The following PCDHGB2 variants were observed in gnomAD, a reference collection of about 807,000 sequenced individuals.
The protein encoded by PCDHGB2 is protocadherin gamma subfamily B, 2, also known as protocadherin gamma-B2.
A neutral mutation model predicts 59.3 loss-of-function variants in PCDHGB2; 55 were observed. The ratio of observed to expected loss-of-function variants is 0.93; its 90% CI spans 0.75 to 1.16. The LOEUF (loss-of-function observed/expected upper bound fraction) is 1.16. Ranked by LOEUF, PCDHGB2 falls within the 50% of genes most tolerant of loss-of-function variation. The probability of loss-of-function intolerance (pLI) is 0.00; values close to 1 mark genes in which losing one functional copy is unlikely to be tolerated. For missense variants in PCDHGB2, 1,228 were observed against 1,198.5 expected (o/e 1.02, Z -0.36); for synonymous variants, 516 against 512.0 (o/e 1.01, Z -0.11).
At chr5:141,461,185 C>T (rs2154567265) in intron 1 of PCDHGB2, among the ~76,000 whole-genome samples, 1 of 152,134 alleles carries the variant, frequency 6.6e-6, no homozygotes, top group East Asian at 1.9e-4. Context: ...AATGGTAGAT[C>T]TGTTTTTTGC....
At chr5:141,456,259 C>T (rs1456888951) in intron 1 of PCDHGB2, among the ~76,000 whole-genome samples, 1 of 152,122 alleles carries the variant, frequency 6.6e-6, no homozygotes, top group Non-Finnish European at 1.5e-5. Flanking sequence ...GCGACCATTG[C>T]TTCTGGCTAC....
chr5:141,373,804 T>C, intron 1 of PCDHGB2: 1 of 335,232 alleles, frequency 3.0e-6, no homozygotes, highest in Non-Finnish European at 5.4e-6. Flanking sequence ...ATCCTCTGTG[T>C]GATAGTTTCA....
intron 1 of PCDHGB2, chr5:141,415,308 C>T: frequency 6.2e-7 from 1 of 1,614,236 alleles, no homozygotes; most frequent in Non-Finnish European, 8.5e-7. Flanking sequence ...TCCTGGCCTT[C>T]GTCATCGTGC....
chr5:141,410,083 C>T (rs752701599), intron 1 of PCDHGB2: 102 of 1,612,590 alleles, frequency 6.3e-5, no homozygotes, highest in Non-Finnish European at 4.7e-5. Flanking sequence ...GGGAGGTGCG[C>T]ACGGCTCGAG....
chr5:141,486,105 A>C lies in PCDHGB2; in HGVS notation c.2422-8702A>C. The stretch of plus-strand genomic sequence containing the variant: ...ACTCTTTTGGGGCCCCTAGACTTTG[A>C]GAGTGAGAATTACTATGAATTTGAT... On this transcript the variant is annotated intron_variant, in intron 1 of 3. Transcript: ENST00000522605. This position sits in a 1 kb window ranked among gnomAD's most constrained non-coding sequence, Gnocchi z 5.0. The C allele has an allele frequency of 1.2e-6, 2 of 1,614,138 alleles. No individual in the cohort carries two copies. The highest frequency in any genetic ancestry group is 1.7e-6 in the Non-Finnish European group (2 of 1,180,016).
In PCDHGB2 at chr5:141,487,869, G is replaced by T; in HGVS notation, c.2422-6938G>T. On this transcript the variant is annotated intron_variant, in intron 1 of 3. Transcript: ENST00000522605. This position sits in a 1 kb window ranked among gnomAD's most constrained non-coding sequence, Gnocchi z 5.0. ...AAATGAAAGTAATTGGTGATCAAGA[G>T]CCAGGCTGTTGTGGAAGCATGATGA... 1.1e-6 allele frequency: 1 copy of T among 871,620 alleles called. No individual in the cohort carries two copies. The highest frequency in any genetic ancestry group is 1.7e-6 in the Non-Finnish European group (1 of 574,346). The allele number at this position is 871,620 out of a possible 1,614,324, so 54.0% of individuals were successfully genotyped here. A position where few individuals can be genotyped will look rare whatever the true frequency, so the allele number is the denominator to read the frequency against.
At position 141,485,260 on chromosome 5, in the gene PCDHGB2, G is replaced by A. The variant is rs773919574; in HGVS notation, c.2422-9547G>A. On this transcript the variant is annotated intron_variant, in intron 1 of 3. Transcript: ENST00000522605. This position sits in a 1 kb window ranked among gnomAD's most constrained non-coding sequence, Gnocchi z 5.7. ...TTTACCACCTGGGTTACGTTTGTGG[G>A]CAGATCCGCTACCCGGTCCCAGAGG... The A allele has an allele frequency of 8.7e-6, 14 of 1,614,002 alleles. No individual in the cohort carries two copies. In the African/African-American group the frequency reaches 1.5e-4, roughly 17 times the overall value.
intron 2 of PCDHGB2, among the ~76,000 whole-genome samples, chr5:141,501,061 G>T (rs746369272): frequency 1.5e-4 from 23 of 152,118 alleles, no homozygotes; most frequent in Non-Finnish European, 2.1e-4. Flanking sequence ...TAGAGACGGG[G>T]TTTCACCATG....
chr5:141,397,974 C>A (rs1248429844), intron 1 of PCDHGB2: 3 of 1,174,340 alleles, frequency 2.6e-6, no homozygotes, highest in African/African-American at 1.6e-5. Flanking sequence ...TCCCCAGCGC[C>A]GGCCTTTACA....
rs759226115 is a variant in PCDHGB2 at position 141,405,385 on chromosome 5, A to AT, written c.2421+42837dup. 3.1e-5 allele frequency: 49 copies of AT among 1,599,976 alleles called. 1 individual carries two copies. The highest frequency in any genetic ancestry group is 2.8e-4 in the Admixed American group (16 of 56,782). On this transcript the variant is annotated intron_variant, in intron 1 of 3. Coordinates refer to ENST00000522605, the MANE Select transcript of PCDHGB2 (RefSeq NM_018923.3). ...ACACCCCTTTGGTTCCGGTGAGTTC[A>AT]TTTTTTTTCTTTCTTTCTTTTCTTT...
chr5:141,480,712 A>G (rs559266864), intron 1 of PCDHGB2, among the ~76,000 whole-genome samples: 13 of 152,306 alleles, frequency 8.5e-5, no homozygotes, highest in African/African-American at 2.9e-4. Context: ...CCGACAAATG[A>G]AAGCACAGTC....
intron 1 of PCDHGB2, chr5:141,388,788 T>C (rs1253708084): frequency 1.2e-6 from 2 of 1,613,942 alleles, no homozygotes; most frequent in Non-Finnish European, 1.7e-6. Flanking sequence ...AATTACTGTT[T>C]TAAATACATT....
At chr5:141,472,017 T>C (rs2154571143) in intron 1 of PCDHGB2, among the ~76,000 whole-genome samples, 1 of 152,290 alleles carries the variant, frequency 6.6e-6, no homozygotes, top group South Asian at 2.1e-4. Context: ...GGGCACTATA[T>C]TGTATGTAGA....
At position 141,406,249 on chromosome 5, in the gene PCDHGB2, G is replaced by A. The variant is rs73279090; in HGVS notation, c.2421+43693G>A. Among the ~76,000 whole-genome samples, 1,262 of 152,022 alleles carry A rather than the reference G, an allele frequency of 8.3e-3. 17 individuals are homozygous for A. The highest frequency in any genetic ancestry group is 0.029 in the African/African-American group (1,198 of 41,452). On this transcript the variant is annotated intron_variant, in intron 1 of 3. Coordinates refer to ENST00000522605, the MANE Select transcript of PCDHGB2 (RefSeq NM_018923.3). ...CTAGCAAGCTATGTTGCCCAGACTG[G>A]TCTCAAACGATCTTCCTGCTTCAGT...
chr5:141,454,172 C>T (rs1001368287), intron 1 of PCDHGB2, among the ~76,000 whole-genome samples: 4 of 152,126 alleles, frequency 2.6e-5, no homozygotes, highest in Non-Finnish European at 5.9e-5. Context: ...TCTAGAAGGG[C>T]AGCTAAAGGA....
chr5:141,502,667 T>G (rs2099815574), intron 2 of PCDHGB2, among the ~76,000 whole-genome samples: 1 of 152,236 alleles, frequency 6.6e-6, no homozygotes. Context: ...TTCATGCAAT[T>G]TTAGTATTCC....
rs369352283 is a variant in PCDHGB2 at position 141,374,184 on chromosome 5, C to T, written c.2421+11628C>T. On this transcript the variant is annotated intron_variant, in intron 1 of 3. Coordinates refer to ENST00000522605, the MANE Select transcript of PCDHGB2 (RefSeq NM_018923.3). ...GCCGCGGCAGCGCAGATCCGCTACTCTATTCCCGAGGAGCTGGAGAAAGGC... is the reference window on the plus strand; with the variant it reads ...GCCGCGGCAGCGCAGATCCGCTACTTTATTCCCGAGGAGCTGGAGAAAGGC... The T allele has an allele frequency of 5.0e-6, 8 of 1,613,676 alleles. No homozygotes were observed. In the East Asian group the frequency reaches 1.1e-4, roughly 22 times the overall value.
intron 1 of PCDHGB2, among the ~76,000 whole-genome samples, chr5:141,438,039 C>T (rs1373700448): frequency 6.6e-6 from 1 of 152,024 alleles, no homozygotes; most frequent in Non-Finnish European, 1.5e-5. Flanking sequence ...CCATGCCCGA[C>T]CACTTTGAGT....
chr5:141,384,941 C>A lies in PCDHGB2; in HGVS notation c.2421+22385C>A, dbSNP rs748067928. Reference sequence around the variant, plus strand: ...GCCGACCTGGGCAGCCTTGAGCCCTCCGACGGTCCTTACAACTATGACCTC... The same window carrying A: ...GCCGACCTGGGCAGCCTTGAGCCCTACGACGGTCCTTACAACTATGACCTC... On this transcript the variant is annotated intron_variant, in intron 1 of 3. Transcript: ENST00000522605. 2.5e-6 allele frequency: 4 copies of A among 1,614,104 alleles called. No homozygotes were observed. The highest frequency in any genetic ancestry group is 3.4e-6 in the Non-Finnish European group (4 of 1,180,022).
Sources: allele counts gnomAD v4.1 joint callset (sites outside exome capture counted in the v4.1 genomes callset), GRCh38; gene constraint gnomAD v4.1.1; non-coding constraint Gnocchi (gnomAD v3.1); transcripts MANE v1.5; gene names NCBI Gene and HGNC (gene_info 2026-07-23, HGNC 2026-07-21).